The following SLIT1 variants were observed in gnomAD, a reference collection of about 807,000 sequenced individuals.
SLIT1 encodes slit homolog 1 protein.
Under a neutral mutation model 186.1 loss-of-function variants are expected in SLIT1, and 66 were observed. That is an observed-to-expected ratio of 0.35 (90% CI 0.29 to 0.44). The LOEUF (loss-of-function observed/expected upper bound fraction) is 0.44. Among genes scored for constraint, SLIT1 ranks in the 20% least tolerant of loss-of-function variants. SLIT1 has a pLI of 1.00. For missense variants in SLIT1, 1,638 were observed against 2,037.4 expected, an observed-to-expected ratio of 0.80 and a Z score of 3.77; for synonymous variants, 761 against 833.8, an observed-to-expected ratio of 0.91 and a Z score of 1.50.
At chr10:97,174,244 T>C in intron 1 of SLIT1, among the ~76,000 whole-genome samples, 1 of 152,224 alleles carries the variant, frequency 6.6e-6, no homozygotes, top group East Asian at 1.9e-4. Flanking sequence ...CACAGCTGGT[T>C]TGCTCACTGC....
At chr10:97,008,466 G>T (rs1415706084) in intron 31 of SLIT1, among the ~76,000 whole-genome samples, 1 of 152,152 alleles carries the variant, frequency 6.6e-6, no homozygotes, top group African/African-American at 2.4e-5. Flanking sequence ...AGGCCGAGGT[G>T]GGTGGATCAC....
Position 97,069,220 on chromosome 10 carries a change from G to A in SLIT1, c.414-3134C>T, listed in dbSNP as rs530216754. Among the ~76,000 whole-genome samples the A allele has an allele frequency of 7.2e-5, 11 of 152,312 alleles. 1 individual carries two copies. The East Asian group carries it at 1.5e-3, about 21-fold the overall frequency. ...CCCACACTGGAGCTCATGGTCATGCGAGTTCCTCAGTAACCAGGAGCCCAG... is the reference window on the plus strand; with the variant it reads ...CCCACACTGGAGCTCATGGTCATGCAAGTTCCTCAGTAACCAGGAGCCCAG... On this transcript the variant is annotated intron_variant, in intron 4 of 36. Transcript: ENST00000266058.
At chr10:97,081,849 C>T (rs962237408) in intron 4 of SLIT1, among the ~76,000 whole-genome samples, 3 of 152,174 alleles carry the variant, frequency 2.0e-5, no homozygotes, top group African/African-American at 7.2e-5. Context: ...TGAATCCATC[C>T]GGCGGCTCTT....
chr10:97,047,645 G>A (rs751589826), intron 16 of SLIT1, 45 bp downstream of exon 16: 10 of 1,583,534 alleles, frequency 6.3e-6, no homozygotes, highest in South Asian at 5.5e-5. Context: ...GAGGGTTAGT[G>A]GCAGTTAGGG....
At chr10:97,081,242 G>A (rs552622426) in intron 4 of SLIT1, among the ~76,000 whole-genome samples, 4 of 152,322 alleles carry the variant, frequency 2.6e-5, no homozygotes, top group African/African-American at 9.6e-5. Flanking sequence ...GCTGTGCTGG[G>A]GGAAGGGGCT....
intron 4 of SLIT1, among the ~76,000 whole-genome samples, chr10:97,126,078 C>T (rs755728916): frequency 6.6e-6 from 1 of 152,162 alleles, no homozygotes; most frequent in South Asian, 2.1e-4. Flanking sequence ...AAGGGGACGT[C>T]GAGATCTGGA....
At chr10:97,105,083 C>T (rs994442620) in intron 4 of SLIT1, among the ~76,000 whole-genome samples, 10 of 152,258 alleles carry the variant, frequency 6.6e-5, no homozygotes, top group Non-Finnish European at 1.3e-4. Context: ...GAGACCTGGC[C>T]GATACTCAGC....
intron 9 of SLIT1, among the ~76,000 whole-genome samples, chr10:97,060,368 G>C (rs1848881863): frequency 6.6e-6 from 1 of 152,248 alleles, no homozygotes; most frequent in South Asian, 2.1e-4. Flanking sequence ...ATTTGTAGCT[G>C]AAAGGGGCCC....
At chr10:97,091,806 A>G (rs896342619) in intron 4 of SLIT1, among the ~76,000 whole-genome samples, 1 of 152,228 alleles carries the variant, frequency 6.6e-6, no homozygotes, top group African/African-American at 2.4e-5. Context: ...CCTCTGTCCA[A>G]TGCCAAGCCC....
intron 4 of SLIT1, among the ~76,000 whole-genome samples, chr10:97,123,716 G>A (rs758897592): frequency 3.3e-5 from 5 of 151,886 alleles, no homozygotes; most frequent in South Asian, 4.2e-4. Flanking sequence ...CTTGAACCTC[G>A]GAGGCGGAGG....
intron 25 of SLIT1, among the ~76,000 whole-genome samples, chr10:97,029,392 C>A (rs951133259): frequency 1.3e-5 from 2 of 152,196 alleles, no homozygotes; most frequent in African/African-American, 4.8e-5. Context: ...GGTATGCCTG[C>A]CCACCAGGCC....
At chr10:97,124,180 C>T (rs2784937) in intron 4 of SLIT1, among the ~76,000 whole-genome samples, 119,848 of 152,136 alleles carry the variant, frequency 0.79, 47,697 homozygotes, top group Admixed American at 0.84. Flanking sequence ...AATTTTTAAA[C>T]AATCTAAATA....
At position 97,057,247 on chromosome 10, in the gene SLIT1, G is replaced by A. The variant is rs777130364; in HGVS notation, c.1120C>T (p.Arg374Cys). 18 of 1,613,814 alleles carry A rather than the reference G, an allele frequency of 1.1e-5. No homozygotes were observed. Among genetic ancestry groups the A allele is most frequent in the East Asian group, 2.2e-5 (1 of 44,900 alleles). Residue 374 changes from arginine (R) to cysteine (C), a missense_variant, in exon 12 of 37, where the codon CGT (arginine) becomes TGT (cysteine). Coordinates refer to ENST00000266058, the MANE Select transcript of SLIT1 (RefSeq NM_003061.3). ...LYGNKITDLPRGVFGGLYTLQ... is the reference protein window; with the variant it reads ...LYGNKITDLPCGVFGGLYTLQ... The stretch of plus-strand genomic sequence containing the variant: ...GTGTATAGGCCTCCAAACACACCAC[G>A]GGGGAGGTCTGTGATCTTGTTTCCA...
chr10:97,135,342 G>A (rs775997063), intron 4 of SLIT1, among the ~76,000 whole-genome samples: 22 of 152,168 alleles, frequency 1.4e-4, no homozygotes, highest in Non-Finnish European at 1.0e-4. Flanking sequence ...CTCCATCAGC[G>A]TCGCACTGAA....
chr10:97,002,665 T>A, intron 35 of SLIT1, 39 bp downstream of exon 35: 1 of 1,515,232 alleles, frequency 6.6e-7, no homozygotes, highest in Non-Finnish European at 8.8e-7. Flanking sequence ...AAGGAACAGG[T>A]AGGCAGGGGC....
chr10:97,027,449 G>C (rs1342029883), intron 25 of SLIT1, among the ~76,000 whole-genome samples: 1 of 152,076 alleles, frequency 6.6e-6, no homozygotes, highest in Non-Finnish European at 1.5e-5. Flanking sequence ...TTAAACCCTG[G>C]GTATAAAGGG....
chr10:97,178,830 A>C (rs1315479729), intron 1 of SLIT1, among the ~76,000 whole-genome samples: 1 of 152,134 alleles, frequency 6.6e-6, no homozygotes, highest in Non-Finnish European at 1.5e-5. Context: ...TGATAAAGCA[A>C]ATTGGATTGT....
chr10:97,180,039 CT>C (rs2134747067), intron 1 of SLIT1, among the ~76,000 whole-genome samples: 1 of 152,318 alleles, frequency 6.6e-6, no homozygotes, highest in Admixed American at 6.5e-5. Flanking sequence ...ACGGCCGCCC[CT>C]GCTGGCAGCC....
chr10:97,063,536 G>A lies in SLIT1; in HGVS notation c.712C>T (p.Leu238Phe). The A allele has an allele frequency of 6.2e-7, 1 of 1,613,172 alleles. No individual in the cohort carries two copies. The highest frequency in any genetic ancestry group is 8.5e-7 in the Non-Finnish European group (1 of 1,179,898). ...GCTGGGCCCGAGCACTGGGTGAAGA[G>A]CCCGATGGTTGGCCGCTGCCTCAGC... ...QWLRQRPTIGLFTQCSGPASL... is the reference protein window; with the variant it reads ...QWLRQRPTIGFFTQCSGPASL... The change falls in exon 8 of 37, where the codon CTC (leucine) becomes TTC (phenylalanine). Residue 238 changes from leucine to phenylalanine, a missense_variant. Coordinates refer to ENST00000266058, the MANE Select transcript of SLIT1 (RefSeq NM_003061.3).
Sources: gnomAD v4.1 joint callset for allele counts (sites outside exome capture counted in the v4.1 genomes callset) on GRCh38, gnomAD v4.1.1 for gene constraint, MANE v1.5 for transcripts, NCBI Gene and HGNC (gene_info 2026-07-23, HGNC 2026-07-21) for gene names.